Variants in FOXN3 observed in about 807,000 individuals in gnomAD.
FOXN3 encodes forkhead box N3, also known as forkhead box protein N3.
In FOXN3, 7 loss-of-function variants were observed where a neutral mutation model predicts 38.4. The observed-to-expected ratio is 0.18, with a 90% CI of 0.10 to 0.34. The LOEUF (loss-of-function observed/expected upper bound fraction) is 0.34. Ranked by LOEUF, FOXN3 falls within the 10% of genes least tolerant of loss-of-function variation. FOXN3 has a pLI of 1.00. For missense variants in FOXN3, 456 were observed against 613.4 expected, an observed-to-expected ratio of 0.74 and a Z score of 2.71; for synonymous variants, 230 against 242.2, an observed-to-expected ratio of 0.95 and a Z score of 0.47.
chr14:89,432,164 G>A (rs1892172516), intron 1 of FOXN3, among the ~76,000 whole-genome samples: 1 of 152,204 alleles, frequency 6.6e-6, no homozygotes, highest in Non-Finnish European at 1.5e-5. Flanking sequence ...CTCTGTGGAA[G>A]GGTATAAAGG....
At chr14:89,343,702 C>A (rs1888683722) in intron 3 of FOXN3, among the ~76,000 whole-genome samples, 1 of 133,556 alleles carries the variant, frequency 7.5e-6, no homozygotes, top group Admixed American at 7.6e-5. Context: ...AAAGGAGAAG[C>A]TTAAATGTCT....
chr14:89,604,941 C>G (rs966114100), intron 1 of FOXN3, among the ~76,000 whole-genome samples: 14 of 151,802 alleles, frequency 9.2e-5, no homozygotes, highest in African/African-American at 3.4e-4. Flanking sequence ...ATATTGTATA[C>G]CTAGCAAGAT....
chr14:89,292,052 G>A (rs949711024), intron 3 of FOXN3, among the ~76,000 whole-genome samples: 11 of 152,144 alleles, frequency 7.2e-5, no homozygotes, highest in South Asian at 2.1e-4. Context: ...TCCATCTTTC[G>A]GCAGGCACCG....
At chr14:89,329,447 G>A (rs567858420) in intron 3 of FOXN3, among the ~76,000 whole-genome samples, 5 of 152,250 alleles carry the variant, frequency 3.3e-5, no homozygotes, top group South Asian at 2.1e-4. Flanking sequence ...ATCTGCAGAC[G>A]TTTTCCATCA....
chr14:89,499,866 AGTCATTTTGTATT>A (rs1893760190), intron 1 of FOXN3, among the ~76,000 whole-genome samples: 1 of 151,672 alleles, frequency 6.6e-6, no homozygotes, highest in African/African-American at 2.4e-5. Flanking sequence ...ACGGAAGGGG[AGTCATTTTGTATT>A]GTTTGGCTTG....
At chr14:89,186,707 C>A (rs1887818212) in intron 4 of FOXN3, among the ~76,000 whole-genome samples, 1 of 152,158 alleles carries the variant, frequency 6.6e-6, no homozygotes, top group Non-Finnish European at 1.5e-5. Flanking sequence ...TGCAAACGGG[C>A]AAAGTCTAAA....
At chr14:89,617,419 G>C (rs1896514455) in intron 1 of FOXN3, among the ~76,000 whole-genome samples, 1 of 152,256 alleles carries the variant, frequency 6.6e-6, no homozygotes, top group Non-Finnish European at 1.5e-5. Context: ...GGCTGATTTT[G>C]ATTGTTTGCT....
At chr14:89,415,847 T>TACACACAC (rs5810462) in intron 1 of FOXN3, among the ~76,000 whole-genome samples, 3,707 of 140,446 alleles carry the variant, frequency 0.026, 101 homozygotes, top group African/African-American at 0.058. Context: ...AACTTTTCTC[T>TACACACAC]ACACACACAC....
At chr14:89,329,784 A>G (rs1242536654) in intron 3 of FOXN3, among the ~76,000 whole-genome samples, 1 of 134,146 alleles carries the variant, frequency 7.5e-6, no homozygotes, top group Non-Finnish European at 1.6e-5. Context: ...TGAACCCGGG[A>G]GGCGGAGCTT....
chr14:89,491,585 C>T (rs1300372580), intron 1 of FOXN3, among the ~76,000 whole-genome samples: 19 of 152,342 alleles, frequency 1.2e-4, no homozygotes, highest in African/African-American at 4.3e-4. Flanking sequence ...TGGAAAGAAA[C>T]TCAAAGTGGA....
chr14:89,369,386 G>A (rs544344158), intron 2 of FOXN3, among the ~76,000 whole-genome samples: 151 of 152,230 alleles, frequency 9.9e-4, no homozygotes, highest in Non-Finnish European at 2.0e-3. Context: ...AACCGACCAT[G>A]TGCCAAGCAC....
At chr14:89,354,750 G>C (rs1889136976) in intron 2 of FOXN3, among the ~76,000 whole-genome samples, 1 of 151,588 alleles carries the variant, frequency 6.6e-6, no homozygotes, top group Non-Finnish European at 1.5e-5. Flanking sequence ...AGCTACTTAA[G>C]AGGCTGAAGC....
chr14:89,398,762 G>A (rs1189088680), intron 2 of FOXN3, among the ~76,000 whole-genome samples: 1 of 152,210 alleles, frequency 6.6e-6, no homozygotes, highest in Non-Finnish European at 1.5e-5. Flanking sequence ...GAAGCGGCCA[G>A]ATCACCTGAG....
intron 1 of FOXN3, among the ~76,000 whole-genome samples, chr14:89,546,323 C>CTTTTTATT (rs1566694411): frequency 2.2e-5 from 1 of 45,976 alleles, no homozygotes; most frequent in African/African-American, 1.0e-4. Flanking sequence ...TTCTTTTTTC[C>CTTTTTATT]TTTTTCTTTT....
rs75040065 is a variant in FOXN3 at position 89,551,739 on chromosome 14, C to T, written c.-15+67289G>A. 1.1e-4 allele frequency among the ~76,000 whole-genome samples: 16 copies of T among 152,296 alleles called. No individual in the cohort carries two copies. The East Asian group carries it at 1.5e-3, about 15-fold the overall frequency. On this transcript the variant is annotated intron_variant, in intron 1 of 6. Transcript: ENST00000345097. Reference sequence around the variant, plus strand: ...CAGTATGTAGCAGGTACTCATGACACGCTTGTGGAACAAAGGCCTGGTTGC... The same window carrying T: ...CAGTATGTAGCAGGTACTCATGACATGCTTGTGGAACAAAGGCCTGGTTGC...
chr14:89,347,851 G>A (rs539417317), intron 3 of FOXN3, among the ~76,000 whole-genome samples: 4 of 152,210 alleles, frequency 2.6e-5, no homozygotes, highest in East Asian at 1.9e-4. Context: ...ACTCTCAGGC[G>A]GCTGAGGCAG....
intron 4 of FOXN3, among the ~76,000 whole-genome samples, chr14:89,233,787 A>AGTATCTTGG (rs1375952982): frequency 1.4e-4 from 21 of 152,234 alleles, no homozygotes; most frequent in Admixed American, 1.4e-3. Flanking sequence ...GTAGGTCCCA[A>AGTATCTTGG]GATACTCCCT....
intron 1 of FOXN3, among the ~76,000 whole-genome samples, chr14:89,414,645 C>G (rs1891646482): frequency 6.6e-6 from 1 of 151,784 alleles, no homozygotes. Flanking sequence ...CCCCTGCCTC[C>G]CAGGTTCAAG....
rs1292718509 is a variant in FOXN3, at chr14:89,546,338, T to TC, written c.-15+72689_-15+72690insG. On this transcript the variant is annotated intron_variant, in intron 1 of 6. Transcript: ENST00000345097. The stretch of plus-strand genomic sequence containing the variant: ...TTCTTTTTTCCTTTTTCTTTTTTTT[T>TC]TTTTTTTTTTGAGATGGAGTCTCGC... Among the ~76,000 whole-genome samples the TC allele has an allele frequency of 2.4e-5, 3 of 123,552 alleles. No individual in the cohort carries two copies. The South Asian group carries it at 8.3e-4, about 34-fold the overall frequency. The allele number at this position is 123,552 out of a possible 152,430, so 81.1% of individuals were successfully genotyped here.
Sources: gnomAD v4.1 joint callset for allele counts (sites outside exome capture counted in the v4.1 genomes callset) on GRCh38, gnomAD v4.1.1 for gene constraint, MANE v1.5 for transcripts, NCBI Gene and HGNC (gene_info 2026-07-23, HGNC 2026-07-21) for gene names.